IFT56: variants seen among roughly 807,000 people sequenced by gnomAD.
IFT56 encodes the protein intraflagellar transport 56, also known as intraflagellar transport protein 56.
the IFT56 span, among the ~76,000 whole-genome samples, chr7:139,175,562 A>T: frequency 1.3e-5 from 2 of 152,188 alleles, no homozygotes; most frequent in Non-Finnish European, 2.9e-5. Flanking sequence ...GGATGAGATG[A>T]GATGAATGAG....
the IFT56 span, chr7:139,189,362 G>A: frequency 6.2e-7 from 1 of 1,613,038 alleles, no homozygotes; most frequent in African/African-American, 1.3e-5. Context: ...AGAAGCACAG[G>A]TAACACCCAA....
chr7:139,177,080 G>A, the IFT56 span, among the ~76,000 whole-genome samples: 2 of 151,278 alleles, frequency 1.3e-5, no homozygotes, highest in African/African-American at 4.9e-5. Flanking sequence ...GCTGAGGTAG[G>A]AGAATCACTT....
the IFT56 span, among the ~76,000 whole-genome samples, chr7:139,147,454 C>G: frequency 6.6e-6 from 1 of 152,044 alleles, no homozygotes; most frequent in East Asian, 1.9e-4. Context: ...CTAAATCAGG[C>G]TTTCTCTACC....
At chr7:139,147,582 T>C in the IFT56 span, among the ~76,000 whole-genome samples, 1 of 152,328 alleles carries the variant, frequency 6.6e-6, no homozygotes, top group African/African-American at 2.4e-5. Context: ...TATGTATAAC[T>C]GTGCTTTACA....
chr7:139,178,831 C>A, the IFT56 span, among the ~76,000 whole-genome samples: 2 of 151,908 alleles, frequency 1.3e-5, no homozygotes, highest in Non-Finnish European at 2.9e-5. Flanking sequence ...AGCTGCAGTG[C>A]ACTATGATCG....
At chr7:139,153,371 A>C in the IFT56 span, among the ~76,000 whole-genome samples, 1 of 151,788 alleles carries the variant, frequency 6.6e-6, no homozygotes, top group African/African-American at 2.4e-5. Flanking sequence ...GAATCACTTG[A>C]ATCTGGGAGG....
the IFT56 span, among the ~76,000 whole-genome samples, chr7:139,174,585 C>T: frequency 6.6e-6 from 1 of 152,014 alleles, no homozygotes; most frequent in Non-Finnish European, 1.5e-5. Context: ...AAATGAGAAC[C>T]CACAGAATGG....
chr7:139,189,471 C>A, the IFT56 span: 2 of 1,375,492 alleles, frequency 1.5e-6, no homozygotes, highest in Non-Finnish European at 2.1e-6. Flanking sequence ...TCTACTTTGA[C>A]ATAAAACTGG....
chr7:139,171,448 A>G, the IFT56 span, among the ~76,000 whole-genome samples: 1 of 152,232 alleles, frequency 6.6e-6, no homozygotes, highest in Non-Finnish European at 1.5e-5. Flanking sequence ...ATTATACCTC[A>G]GAGCTATAGT....
chr7:139,187,943 CTTTAG>C, the IFT56 span, among the ~76,000 whole-genome samples: 1 of 150,048 alleles, frequency 6.7e-6, no homozygotes, highest in South Asian at 2.1e-4. Context: ...TTCTTGTGTG[CTTTAG>C]TTTAGGTCTC....
At chr7:139,150,572 C>T in the IFT56 span, among the ~76,000 whole-genome samples, 2 of 152,038 alleles carry the variant, frequency 1.3e-5, no homozygotes, top group African/African-American at 4.8e-5. Context: ...TAATGTACTC[C>T]AGCAGTAGAA....
chr7:139,168,549 AATGTT>A, the IFT56 span: 2 of 659,334 alleles, frequency 3.0e-6, no homozygotes, highest in East Asian at 2.8e-5. Context: ...CTGAGAAAAG[AATGTT>A]ATGTTATTTA....
the IFT56 span, chr7:139,190,622 A>G: frequency 6.6e-6 from 1 of 152,222 alleles, no homozygotes; most frequent in African/African-American, 2.4e-5. Context: ...ATAATAAAAC[A>G]TGAATCGTAT....
At chr7:139,189,334 G>A in the IFT56 span, 1 of 1,608,662 alleles carries the variant, frequency 6.2e-7, no homozygotes, top group South Asian at 1.1e-5. Context: ...GACCCTTCGA[G>A]AAGTGCTCCA....
chr7:139,170,230 G>A, the IFT56 span, among the ~76,000 whole-genome samples: 1 of 152,172 alleles, frequency 6.6e-6, no homozygotes, highest in East Asian at 1.9e-4. Context: ...AAGATTCCCT[G>A]TAAAGAAAAG....
the IFT56 span, among the ~76,000 whole-genome samples, chr7:139,153,880 G>C: frequency 2.0e-5 from 3 of 152,154 alleles, no homozygotes; most frequent in Non-Finnish European, 4.4e-5. Context: ...AGGGTCATAT[G>C]GTAACTGTAT....
chr7:139,153,834 C>T, the IFT56 span, among the ~76,000 whole-genome samples: 3 of 152,142 alleles, frequency 2.0e-5, no homozygotes, highest in Non-Finnish European at 4.4e-5. Context: ...TGTATGTTTT[C>T]AATTCTCTCA....
chr7:139,176,552 C>T, the IFT56 span, among the ~76,000 whole-genome samples: 1 of 152,002 alleles, frequency 6.6e-6, no homozygotes, highest in Non-Finnish European at 1.5e-5. Flanking sequence ...TTTCATCAGC[C>T]AAGATTCAGT....
the IFT56 span, among the ~76,000 whole-genome samples, chr7:139,139,700 T>C: frequency 0.25 from 38,258 of 152,076 alleles, 8,531 homozygotes; most frequent in African/African-American, 0.57. Flanking sequence ...TGGACAATAG[T>C]CCTGCAGATG....
Sources: gnomAD v4.1 joint callset for allele counts (sites outside exome capture counted in the v4.1 genomes callset) on GRCh38, gnomAD v4.1.1 for gene constraint, MANE v1.5 for transcripts, NCBI Gene and HGNC (gene_info 2026-07-23, HGNC 2026-07-21) for gene names.